Variants in BRD9 observed in about 807,000 individuals in gnomAD.
The protein encoded by BRD9 is bromodomain containing 9, also known as bromodomain-containing protein 9.
In BRD9, 47 loss-of-function variants were observed where a neutral mutation model predicts 68.7. That is an observed-to-expected ratio of 0.68 (90% confidence interval 0.54 to 0.87). The LOEUF (loss-of-function observed/expected upper bound fraction) is 0.87, where lower values mean the gene tolerates loss of function less well. Among genes scored for constraint, BRD9 ranks in the 40% least tolerant of loss-of-function variants. The pLI, the probability that BRD9 is intolerant of heterozygous loss-of-function variation, is 0.00. For synonymous variants in BRD9, 313 were observed against 293.9 expected (o/e 1.06, Z -0.67); for missense variants, 670 against 748.4 (o/e 0.90, Z 1.22).
chr5:864,395 C>T lies in BRD9; in HGVS notation c.*73G>A, dbSNP rs758454620. 6.1e-6 allele frequency: 8 copies of T among 1,307,738 alleles called. No individual in the cohort carries two copies. Among genetic ancestry groups the T allele is most frequent in the Admixed American group, 4.6e-5 (2 of 43,350 alleles). 81.0% of individuals were successfully genotyped at this position (1,307,738 alleles called of 1,614,324 possible). On this transcript the variant is annotated 3_prime_UTR_variant, in exon 16 of 16. Coordinates refer to ENST00000467963, the MANE Select transcript of BRD9 (RefSeq NM_023924.5). ...AAGGGGACAGGATCAAAGTCCTTGT[C>T]TGATGACAAAAACTCTACACGTGCA... is the stretch of plus-strand genomic sequence containing the variant.
chr5:869,313 G>A (rs1222796400), intron 14 of BRD9: 1 of 456,150 alleles, frequency 2.2e-6, no homozygotes, highest in Admixed American at 2.4e-5. Flanking sequence ...AAATCTGAAG[G>A]TTGACAAAGC....
chr5:878,416 C>A lies in BRD9; in HGVS notation c.1210G>T (p.Asp404Tyr), dbSNP rs758194342. The A allele has an allele frequency of 6.2e-7, 1 of 1,614,274 alleles. No individual in the cohort carries two copies. Among genetic ancestry groups the A allele is most frequent in the East Asian group, 2.2e-5 (1 of 44,884 alleles). ...GCTGAGTAGAGCAGCTCCATCTCGT[C>A]CGACTTCAAGTCGCCAAATACTGAA... ...NNSVFGDLKS[D>Y]EMELLYSAYG... The change falls in exon 11 of 16, where the codon GAC (aspartate) becomes TAC (tyrosine). Residue 404 changes from aspartate (D) to tyrosine (Y), a missense_variant. By Grantham distance (160) the Asp-to-Tyr change is radical. Transcript: ENST00000467963.
intron 3 of BRD9, among the ~76,000 whole-genome samples, chr5:890,684 C>T (rs1390637548): frequency 3.3e-5 from 5 of 152,182 alleles, no homozygotes; most frequent in East Asian, 1.9e-4. Flanking sequence ...GAATTACCTG[C>T]GTTTTCACTG....
intron 14 of BRD9, among the ~76,000 whole-genome samples, chr5:868,092 G>A (rs1408781928): frequency 6.6e-6 from 1 of 152,182 alleles, no homozygotes; most frequent in African/African-American, 2.4e-5. Flanking sequence ...TCATGATAGT[G>A]AGTGACTTCT....
rs924722268 is a variant in BRD9, at chr5:878,239, T to C, written c.1271+116A>G. On this transcript the variant is annotated intron_variant, in intron 11 of 15. Transcript: ENST00000467963. ...CAACGGGAAGACCCAGGCTGCCATA[T>C]GGACGGCTGCAAGATGGCTCTCTCC... 1.2e-4 allele frequency: 168 copies of C among 1,454,318 alleles called. No homozygotes were observed. In the African/African-American group the frequency reaches 1.3e-3, roughly 11 times the overall value. The allele number at this position is 1,454,318 out of a possible 1,614,324, so 90.1% of individuals were successfully genotyped here. A position where few individuals can be genotyped will look rare whatever the true frequency, so the allele number is the denominator to read the frequency against.
chr5:889,175 A>G lies in BRD9; in HGVS notation c.462-10T>C, dbSNP rs1376101804. 6.2e-7 allele frequency: 1 copy of G among 1,606,612 alleles called. No homozygotes were observed. The highest frequency in any genetic ancestry group is 8.5e-7 in the Non-Finnish European group (1 of 1,178,356). ...TCCATGGGGATCTTTTCTGAAAGCA[A>G]AGACATCTTAAAGCGGAAAAATCTA... On this transcript the variant is annotated splice_polypyrimidine_tract_variant and intron_variant, in intron 4 of 15. Transcript: ENST00000467963.
intron 15 of BRD9, 31 bp downstream of exon 15, chr5:865,383 T>C: frequency 3.9e-6 from 6 of 1,544,966 alleles, no homozygotes; most frequent in South Asian, 2.3e-5. Flanking sequence ...CTGGGGTCTC[T>C]GGGGATGCGG....
chr5:867,516 C>G (rs1322015631), intron 14 of BRD9, among the ~76,000 whole-genome samples: 1 of 152,234 alleles, frequency 6.6e-6, no homozygotes, highest in Non-Finnish European at 1.5e-5. Flanking sequence ...GGAAAGCAGC[C>G]ACAGAGGCTG....
chr5:883,260 T>G, intron 8 of BRD9: 1 of 448,438 alleles, frequency 2.2e-6, no homozygotes, highest in South Asian at 1.6e-5. Flanking sequence ...AAAAAACCCA[T>G]AAAGCTCAAA....
chr5:889,823 T>C, intron 3 of BRD9, 176 bp from the exon 4 acceptor site: 3 of 1,370,716 alleles, frequency 2.2e-6, no homozygotes, highest in Admixed American at 2.1e-5. Flanking sequence ...CTCAGCCGGG[T>C]AGAAAGGGCA....
intron 5 of BRD9, among the ~76,000 whole-genome samples, chr5:888,780 TAGAA>T (rs371785533): frequency 7.3e-4 from 111 of 152,302 alleles, no homozygotes; most frequent in Middle Eastern, 6.8e-3. Context: ...CGCAGTAACT[TAGAA>T]AGAAAAGAAA....
At chr5:884,717 G>A (rs1390584091) in intron 7 of BRD9, among the ~76,000 whole-genome samples, 2 of 152,270 alleles carry the variant, frequency 1.3e-5, no homozygotes, top group Non-Finnish European at 2.9e-5. Flanking sequence ...CCTAGGGCCA[G>A]GTGCAGGCCC....
chr5:873,935 G>A (rs1180029447), intron 12 of BRD9, among the ~76,000 whole-genome samples: 2 of 152,144 alleles, frequency 1.3e-5, no homozygotes, highest in East Asian at 1.9e-4. Flanking sequence ...AAGGCTACAC[G>A]AACCCTAGAA....
At chr5:869,059 A>G in intron 14 of BRD9, 1 of 273,278 alleles carries the variant, frequency 3.7e-6, no homozygotes. Context: ...TGGGGTTCCC[A>G]GAAGACCAGA....
chr5:867,895 C>CATG (rs1304415569), intron 14 of BRD9, among the ~76,000 whole-genome samples: 7 of 152,176 alleles, frequency 4.6e-5, no homozygotes, highest in African/African-American at 7.2e-5. Flanking sequence ...GTTAGGAAGG[C>CATG]ATGATTGTGT....
At chr5:866,855 G>C (rs1749447923) in intron 14 of BRD9, among the ~76,000 whole-genome samples, 1 of 152,216 alleles carries the variant, frequency 6.6e-6, no homozygotes. Context: ...GGGAAGCAGA[G>C]AGTAAAAGTT....
At chr5:873,566 G>A (rs181140880) in intron 12 of BRD9, among the ~76,000 whole-genome samples, 8 of 151,268 alleles carry the variant, frequency 5.3e-5, no homozygotes, top group African/African-American at 1.9e-4. Context: ...CTGCCTTTCA[G>A]TTCTGCTTTC....
rs1753386938 is a variant in BRD9 at position 891,462 on chromosome 5, C to G, written c.268-175G>C. 5.3e-6 allele frequency: 7 copies of G among 1,310,096 alleles called. No homozygotes were observed. In the East Asian group the frequency reaches 1.3e-4, roughly 24 times the overall value. The allele number at this position is 1,310,096 out of a possible 1,614,324, so 81.2% of individuals were successfully genotyped here. ...GACCCTGGCAGGGTCTGCTGAGGAA[C>G]AGCACACCCAGGATCCTGGAACTGA... On this transcript the variant is annotated intron_variant, in intron 2 of 15. Coordinates refer to ENST00000467963, the MANE Select transcript of BRD9 (RefSeq NM_023924.5).
chr5:883,204 C>A, intron 8 of BRD9: 1 of 397,532 alleles, frequency 2.5e-6, no homozygotes, highest in Admixed American at 2.9e-5. Context: ...CCCACTTCAG[C>A]GTTCTTTACA....
Sources: gnomAD v4.1 joint callset for allele counts (sites outside exome capture counted in the v4.1 genomes callset) on GRCh38, gnomAD v4.1.1 for gene constraint, MANE v1.5 for transcripts, NCBI Gene and HGNC (gene_info 2026-07-23, HGNC 2026-07-21) for gene names.